POGLUT1: variants seen among roughly 807,000 people sequenced by gnomAD.
POGLUT1 encodes protein O-glucosyltransferase 1.
In POGLUT1, 32 loss-of-function variants were observed where a neutral mutation model predicts 61.3. That is an observed-to-expected ratio of 0.52 (90% CI 0.39 to 0.70). The LOEUF (loss-of-function observed/expected upper bound fraction) is 0.70. Ranked by LOEUF, POGLUT1 falls within the 30% of genes least tolerant of loss-of-function variation. The pLI, the probability that POGLUT1 is intolerant of heterozygous loss-of-function variation, is 0.00. For missense variants in POGLUT1, 411 were observed against 469.8 expected, an observed-to-expected ratio of 0.87 and a Z score of 1.16; for synonymous variants, 158 against 158.2, an observed-to-expected ratio of 1.00 and a Z score of 0.01.
At chr3:119,486,439 A>G (rs1199329829) in intron 6 of POGLUT1, among the ~76,000 whole-genome samples, 1 of 152,190 alleles carries the variant, frequency 6.6e-6, no homozygotes. Flanking sequence ...CAGAGCATAC[A>G]TAACAAAGGT....
intron 3 of POGLUT1, among the ~76,000 whole-genome samples, chr3:119,475,248 A>G (rs1457732579): frequency 6.6e-6 from 1 of 152,218 alleles, no homozygotes; most frequent in Non-Finnish European, 1.5e-5. Context: ...TTTCTTTTCC[A>G]TATAACAGTA....
chr3:119,473,710 G>C (rs937367264), intron 3 of POGLUT1, among the ~76,000 whole-genome samples: 1 of 151,236 alleles, frequency 6.6e-6, no homozygotes, highest in Non-Finnish European at 1.5e-5. Context: ...ACCCAGTCTG[G>C]AGTGCAGTGG....
At position 119,494,201 on chromosome 3, in the gene POGLUT1, G is replaced by A. The variant is rs1430413755; in HGVS notation, c.*1763G>A. The A allele has an allele frequency of 6.6e-6, 1 of 152,132 alleles. No homozygotes were observed. The highest frequency in any genetic ancestry group is 1.9e-4 in the East Asian group (1 of 5,202). 9.4% of individuals were successfully genotyped at this position (152,132 alleles called of 1,614,324 possible). ...GCTTGACTGTTTCTCCTACTGTTCT[G>A]TAAACTTATTAATGGGTGAGAATCT... On this transcript the variant is annotated 3_prime_UTR_variant, in exon 11 of 11. Coordinates refer to ENST00000295588, the MANE Select transcript of POGLUT1 (RefSeq NM_152305.3).
intron 1 of POGLUT1, 94 bp from the exon 2 acceptor site, chr3:119,469,726 A>T (rs2081446906): frequency 1.5e-6 from 1 of 676,992 alleles, no homozygotes; most frequent in Non-Finnish European, 2.6e-6. Flanking sequence ...GGGATTTCTG[A>T]AAGTTTTGGT....
chr3:119,479,999 C>T, intron 4 of POGLUT1, 52 bp from the exon 5 acceptor site: 3 of 1,608,984 alleles, frequency 1.9e-6, no homozygotes, highest in Non-Finnish European at 2.5e-6. Context: ...GCAGTTGCCT[C>T]TTTTCACTGT....
chr3:119,492,330 T>C lies in POGLUT1; in HGVS notation c.1071T>C (p.Cys357=). Reference sequence around the variant, plus strand: ...ATTTGCAGATGGATGACATCACCTGTTACTGGGAGAACCTCTTGAGTGAAT... The same window carrying C: ...ATTTGCAGATGGATGACATCACCTGCTACTGGGAGAACCTCTTGAGTGAAT... ...RNHLQMDDIT[C]YWENLLSEYS... is the part of the protein sequence containing the mutation. The change falls in exon 11 of 11, where the codon TGT becomes TGC. Residue 357 remains cysteine, a synonymous_variant. Transcript: ENST00000295588. The C allele has an allele frequency of 6.2e-7, 1 of 1,611,010 alleles. No individual in the cohort carries two copies. Among genetic ancestry groups the C allele is most frequent in the Non-Finnish European group, 8.5e-7 (1 of 1,177,702 alleles).
At chr3:119,480,227 G>A in intron 5 of POGLUT1, 55 bp downstream of exon 5, 3 of 1,377,676 alleles carry the variant, frequency 2.2e-6, no homozygotes, top group Non-Finnish European at 3.0e-6. Flanking sequence ...CTTGAAATAA[G>A]CCATAGAATA....
intron 1 of POGLUT1, 42 bp from the exon 2 acceptor site, chr3:119,469,778 C>A (rs1336792731): frequency 9.5e-7 from 1 of 1,057,236 alleles, no homozygotes. Context: ...AAATAACATT[C>A]AGGAAAATTT....
At chr3:119,486,714 T>G in intron 6 of POGLUT1, 119 bp from the exon 7 acceptor site, 1 of 747,392 alleles carries the variant, frequency 1.3e-6, no homozygotes, top group Non-Finnish European at 2.4e-6. Context: ...ACGTCACCAG[T>G]GAATTGTCCA....
chr3:119,469,050 G>C lies in POGLUT1; in HGVS notation c.29G>C (p.Arg10Pro). Residue 10 changes from arginine (R) to proline (P), a missense_variant, in exon 1 of 11, where the codon CGG becomes CCG. By Grantham distance (103) the Arg-to-Pro change is moderately radical. Coordinates refer to ENST00000295588, the MANE Select transcript of POGLUT1 (RefSeq NM_152305.3). MEWWASSPL[R>P]LWLLLFLLPS... ...GAGTGGTGGGCTAGCTCGCCGCTTC[G>C]GCTCTGGCTGCTGTTGTTCCTCCTG... The C allele has an allele frequency of 6.2e-7, 1 of 1,609,308 alleles. No homozygotes were observed. The highest frequency in any genetic ancestry group is 1.3e-5 in the African/African-American group (1 of 74,946).
chr3:119,470,571 G>T (rs190089674), intron 2 of POGLUT1, among the ~76,000 whole-genome samples: 1 of 152,094 alleles, frequency 6.6e-6, no homozygotes, highest in Admixed American at 6.5e-5. Flanking sequence ...GTGAGACTCC[G>T]TCTCAAAAAA....
At chr3:119,475,995 A>ACACAC (rs1560031865) in intron 3 of POGLUT1, among the ~76,000 whole-genome samples, 18 of 30,772 alleles carry the variant, frequency 5.8e-4, no homozygotes, top group East Asian at 1.7e-3. Flanking sequence ...CACACACACA[A>ACACAC]ACACATACAG....
intron 7 of POGLUT1, chr3:119,488,598 A>T (rs906123658): frequency 5.6e-5 from 10 of 179,682 alleles, no homozygotes; most frequent in South Asian, 1.8e-4. Context: ...CTCTGCATAC[A>T]TTATTTACAC....
rs962932342 is a variant in POGLUT1, at chr3:119,493,675, C to A, written c.*1237C>A. On this transcript the variant is annotated 3_prime_UTR_variant, in exon 11 of 11. Coordinates refer to ENST00000295588, the MANE Select transcript of POGLUT1 (RefSeq NM_152305.3). ...TCAGTCACATAATTATCAGACATTC[C>A]ATTTGTCAGAAATGTATTTGGCTTT... 1 of 152,104 alleles carries A rather than the reference C, an allele frequency of 6.6e-6. No individual in the cohort carries two copies. The highest frequency in any genetic ancestry group is 2.4e-5 in the African/African-American group (1 of 41,418). 9.4% of individuals were successfully genotyped at this position (152,104 alleles called of 1,614,324 possible). A position where few individuals can be genotyped will look rare whatever the true frequency, so the allele number is the denominator to read the frequency against.
intron 5 of POGLUT1, among the ~76,000 whole-genome samples, chr3:119,482,139 C>T (rs74706342): frequency 1.3e-5 from 2 of 152,150 alleles, no homozygotes; most frequent in Non-Finnish European, 2.9e-5. Context: ...TCCTTTCCCC[C>T]CCTCCTCAGG....
In POGLUT1 at chr3:119,490,580, C is replaced by G; in HGVS notation, c.827C>G (p.Ala276Gly). Residue 276 changes from alanine to glycine, a missense_variant, in exon 9 of 11, where the codon GCA (alanine) becomes GGA (glycine). Transcript: ENST00000295588. ...KYLFNFRGVA[A>G]SFRFKHLFLC... Reference sequence around the variant, plus strand: ...CTGTTTAATTTTCGAGGCGTAGCTGCAAGTTTCCGGTTTAAACACCTCTTC... The same window carrying G: ...CTGTTTAATTTTCGAGGCGTAGCTGGAAGTTTCCGGTTTAAACACCTCTTC... 6.2e-7 allele frequency: 1 copy of G among 1,614,112 alleles called. No individual in the cohort carries two copies.
intron 2 of POGLUT1, among the ~76,000 whole-genome samples, chr3:119,470,808 G>A (rs1181804722): frequency 6.6e-6 from 1 of 152,158 alleles, no homozygotes; most frequent in East Asian, 1.9e-4. Context: ...GATACTTATT[G>A]AAAACTTACT....
At chr3:119,490,327 T>G (rs1295268117) in intron 8 of POGLUT1, 1 of 538,786 alleles carries the variant, frequency 1.9e-6, no homozygotes, top group East Asian at 3.2e-5. Flanking sequence ...TCCCCTATTT[T>G]TCCTCACCCT....
intron 6 of POGLUT1, among the ~76,000 whole-genome samples, chr3:119,486,133 C>A (rs901362511): frequency 2.0e-5 from 3 of 152,170 alleles, no homozygotes; most frequent in Non-Finnish European, 4.4e-5. Flanking sequence ...CTGTTTCTTA[C>A]CAACTTCTCT....
Sources: allele counts gnomAD v4.1 joint callset (sites outside exome capture counted in the v4.1 genomes callset), GRCh38; gene constraint gnomAD v4.1.1; transcripts MANE v1.5; gene names NCBI Gene and HGNC (gene_info 2026-07-23, HGNC 2026-07-21).